The following SCG2 variants were observed in gnomAD, a reference collection of about 807,000 sequenced individuals.
SCG2 encodes secretogranin-2.
SCG2 carries 23 observed loss-of-function variants against 49.5 expected under a neutral mutation model. The observed-to-expected ratio is 0.46, with a 90% CI of 0.33 to 0.66. The LOEUF is 0.66. Ranked by LOEUF, SCG2 falls within the 30% of genes least tolerant of loss-of-function variation. The pLI is 0.01. For synonymous variants in SCG2, 288 were observed against 260.4 expected (o/e 1.11, Z -1.02); for missense variants, 730 against 728.2 (o/e 1.00, Z -0.03).
At chr2:223,599,406 C>T (rs1691355495) in intron 1 of SCG2, 110 bp from the exon 2 acceptor site, 1 of 874,692 alleles carries the variant, frequency 1.1e-6, no homozygotes, top group Non-Finnish European at 1.6e-6. Flanking sequence ...GATATTATTT[C>T]ACATTAAGCT....
At position 223,597,346 on chromosome 2, in the gene SCG2, G is replaced by T; in HGVS notation, c.*83C>A. 6.8e-7 allele frequency: 1 copy of T among 1,479,214 alleles called. No homozygotes were observed. The highest frequency in any genetic ancestry group is 9.1e-7 in the Non-Finnish European group (1 of 1,098,136). 91.6% of individuals were successfully genotyped at this position (1,479,214 alleles called of 1,614,324 possible). On this transcript the variant is annotated 3_prime_UTR_variant, in exon 2 of 2. Transcript: ENST00000305409. ...TTTAAAGATATTACAGTGTTAACAGGATAGAAGTCAACACACTGAAGAGAA... is the reference window on the plus strand; with the variant it reads ...TTTAAAGATATTACAGTGTTAACAGTATAGAAGTCAACACACTGAAGAGAA...
chr2:223,599,985 G>C (rs375540234), intron 1 of SCG2, among the ~76,000 whole-genome samples: 1 of 152,176 alleles, frequency 6.6e-6, no homozygotes, highest in Middle Eastern at 3.4e-3. Flanking sequence ...TCCAGAACAC[G>C]GGTCTTCTCA....
rs1211205875 is a variant in SCG2, at chr2:223,597,878, C to G, written c.1405G>C (p.Gly469Arg). The G allele has an allele frequency of 5.6e-6, 9 of 1,614,028 alleles. No individual in the cohort carries two copies. Among genetic ancestry groups the G allele is most frequent in the Non-Finnish European group, 7.6e-6 (9 of 1,180,042 alleles). ...TGGTTCGATCTAGATCTTCCAGCAC[C>G]ATAAGGGAGCCTTGGCAGAACTTTC... ...QEKVLPRLPY[G>R]AGRSRSNQLP... The change falls in exon 2 of 2, where the codon GGT (glycine) becomes CGT (arginine). Residue 469 changes from glycine to arginine, a missense_variant. Coordinates refer to ENST00000305409, the MANE Select transcript of SCG2 (RefSeq NM_003469.5).
intron 1 of SCG2, among the ~76,000 whole-genome samples, chr2:223,599,802 C>T (rs2106114848): frequency 6.6e-6 from 1 of 152,262 alleles, no homozygotes; most frequent in East Asian, 1.9e-4. Flanking sequence ...CCTGAAATGT[C>T]CATCTAATTT....
In SCG2 at chr2:223,598,167, C is replaced by T; in HGVS notation, c.1116G>A (p.Gly372=). ...GTTCCACTGATCCATTCGGCTTCTC[C>T]CCAGTTTTGAGCATCTCAATTAAGT... ...PEDLIEMLKT[G]EKPNGSVEPE... Residue 372 remains glycine, a synonymous_variant, in exon 2 of 2, where the codon GGG becomes GGA. Coordinates refer to ENST00000305409, the MANE Select transcript of SCG2 (RefSeq NM_003469.5). The T allele has an allele frequency of 6.2e-7, 1 of 1,613,840 alleles. No homozygotes were observed. The highest frequency in any genetic ancestry group is 8.5e-7 in the Non-Finnish European group (1 of 1,179,912).
At position 223,598,519 on chromosome 2, in the gene SCG2, TC is replaced by T. The variant is rs1163717756; in HGVS notation, c.763del (p.Glu255ArgfsTer3). 1.2e-6 allele frequency: 2 copies of T among 1,614,042 alleles called. No homozygotes were observed. Among genetic ancestry groups the T allele is most frequent in the African/African-American group, 1.3e-5 (1 of 75,046 alleles). ...TTCCTGGGTTTGACTCTCTATTTTC[TC>T]CTCTACTGGGTTCCAGTCTTCTCCC... ...VGGEDWNPVEEKIESQTQEEV... is the reference protein window; with the variant it reads ...VGGEDWNPVEXKIESQTQEEV... On this transcript the variant is annotated frameshift_variant, in exon 2 of 2. Coordinates refer to ENST00000305409, the MANE Select transcript of SCG2 (RefSeq NM_003469.5). LOFTEE classifies it high-confidence loss of function.
chr2:223,598,420 A>C lies in SCG2; in HGVS notation c.863T>G (p.Leu288Arg). The C allele has an allele frequency of 6.2e-7, 1 of 1,614,096 alleles. No individual in the cohort carries two copies. Among genetic ancestry groups the C allele is most frequent in the East Asian group, 2.2e-5 (1 of 44,882 alleles). The stretch of plus-strand genomic sequence containing the variant: ...CCGAAGATCTTCTTCCTGGATGCCA[A>C]GCTGCCCTGAGCGTTTCATCTCATC... ...INDEMKRSGQLGIQEEDLRKE... is the reference protein window; with the variant it reads ...INDEMKRSGQRGIQEEDLRKE... Residue 288 changes from leucine to arginine, a missense_variant, in exon 2 of 2, where the codon CTT becomes CGT. Leu to Arg is a moderately radical substitution (Grantham distance 102, BLOSUM62 -2). Transcript: ENST00000305409.
At chr2:223,599,740 G>A (rs978825817) in intron 1 of SCG2, among the ~76,000 whole-genome samples, 3 of 152,132 alleles carry the variant, frequency 2.0e-5, no homozygotes, top group Middle Eastern at 3.4e-3. Context: ...TTACACATAC[G>A]CGCCCACAAA....
At chr2:223,599,350 T>G in intron 1 of SCG2, 54 bp from the exon 2 acceptor site, 1 of 1,409,724 alleles carries the variant, frequency 7.1e-7, no homozygotes, top group East Asian at 2.3e-5. Context: ...GAAGACACTA[T>G]AGCAAAAGAA....
chr2:223,598,971 T>G lies in SCG2; in HGVS notation c.312A>C (p.Ser104=), dbSNP rs777929261. The stretch of plus-strand genomic sequence containing the variant: ...TTCTCATCCAGTCTTCTTCACTCAG[T>G]GAATCCCTCTCGGGCAAGTGGCTTT... ...GDESHLPERD[S]LSEEDWMRII... The change falls in exon 2 of 2, where the codon TCA becomes TCC. Residue 104 remains serine, a synonymous_variant. Coordinates refer to ENST00000305409, the MANE Select transcript of SCG2 (RefSeq NM_003469.5). The G allele has an allele frequency of 6.2e-7, 1 of 1,614,212 alleles. No homozygotes were observed. Among genetic ancestry groups the G allele is most frequent in the Admixed American group, 1.7e-5 (1 of 60,026 alleles).
intron 1 of SCG2, among the ~76,000 whole-genome samples, chr2:223,600,340 A>C (rs1399739181): frequency 6.6e-6 from 1 of 152,164 alleles, no homozygotes; most frequent in East Asian, 1.9e-4. Flanking sequence ...CACTATGTAA[A>C]TCCCAATTCA....
At chr2:223,600,962 T>C (rs16864981) in intron 1 of SCG2, among the ~76,000 whole-genome samples, 2,212 of 152,306 alleles carry the variant, frequency 0.015, 54 homozygotes, top group African/African-American at 0.051. Flanking sequence ...ACTTTCAACA[T>C]TGGCATTTGA....
chr2:223,599,321 A>G, intron 1 of SCG2, 25 bp from the exon 2 acceptor site: 1 of 1,520,366 alleles, frequency 6.6e-7, no homozygotes, highest in African/African-American at 1.4e-5. Context: ...AATATGAGTT[A>G]CACAAATGAA....
intron 1 of SCG2, among the ~76,000 whole-genome samples, chr2:223,600,118 C>A (rs1264560596): frequency 6.6e-6 from 1 of 152,142 alleles, no homozygotes; most frequent in Non-Finnish European, 1.5e-5. Flanking sequence ...GACTGTCTTG[C>A]AAAATGCAAT....
At position 223,599,196 on chromosome 2, in the gene SCG2, T is replaced by C. The variant is rs756673036; in HGVS notation, c.87A>G (p.Ser29=). The C allele has an allele frequency of 1.2e-6, 2 of 1,613,724 alleles. No individual in the cohort carries two copies. The highest frequency in any genetic ancestry group is 1.7e-6 in the Non-Finnish European group (2 of 1,179,616). Residue 29 remains serine, a synonymous_variant, in exon 2 of 2, where the codon TCA becomes TCG. Transcript: ENST00000305409. ...IFLISGAEAA[S]FQRNQLLQKE... ...TCTGAAGCAGCTGGTTTCTCTGAAATGAAGCTGCTTCAGCCCCAGAGATGA... is the reference window on the plus strand; with the variant it reads ...TCTGAAGCAGCTGGTTTCTCTGAAACGAAGCTGCTTCAGCCCCAGAGATGA...
intron 1 of SCG2, among the ~76,000 whole-genome samples, chr2:223,601,468 A>C (rs986252248): frequency 2.6e-5 from 4 of 152,240 alleles, no homozygotes; most frequent in African/African-American, 4.8e-5. Context: ...TACAGAAAAA[A>C]TGAAATACTT....
rs759040148 is a variant in SCG2, at chr2:223,598,801, A to G, written c.482T>C (p.Leu161Pro). Residue 161 changes from leucine to proline, a missense_variant, in exon 2 of 2, where the codon CTT (leucine) becomes CCT (proline). By Grantham distance (98) the Leu-to-Pro change is moderately conservative. Transcript: ENST00000305409. Reference sequence around the variant, plus strand: ...CATAGGAGGGAATTGCATGTGCTTAAGCTTTCTTTCTGGCCACTGCTGTGT... The same window carrying G: ...CATAGGAGGGAATTGCATGTGCTTAGGCTTTCTTTCTGGCCACTGCTGTGT... ...YETQQWPERK[L>P]KHMQFPPMYE... is the part of the protein sequence containing the mutation. The G allele has an allele frequency of 2.5e-5, 41 of 1,613,970 alleles. No homozygotes were observed. Among genetic ancestry groups the G allele is most frequent in the Non-Finnish European group, 3.5e-5 (41 of 1,180,026 alleles).
At position 223,597,648 on chromosome 2, in the gene SCG2, C is replaced by T; in HGVS notation, c.1635G>A (p.Gln545=). The part of the protein sequence containing the change: ...DDLQEEEQIE[Q]AIKEHLNQGS... The stretch of plus-strand genomic sequence containing the variant: ...CTTGATTCAAATGCTCTTTGATGGC[C>T]TGCTCAATTTGTTCCTCTTCCTGCA... The change falls in exon 2 of 2, where the codon CAG becomes CAA. Residue 545 remains glutamine (Q), a synonymous_variant. Transcript: ENST00000305409. 1 of 1,614,060 alleles carries T rather than the reference C, an allele frequency of 6.2e-7. No homozygotes were observed. The highest frequency in any genetic ancestry group is 8.5e-7 in the Non-Finnish European group (1 of 1,179,998).
rs772530146 is a variant in SCG2, at chr2:223,598,879, T to G, written c.404A>C (p.Tyr135Ser). ...PQSAPKENKP[Y>S]ALNSEKNFPM... is the part of the protein sequence containing the mutation. Reference sequence around the variant, plus strand: ...AAAGTTCTTTTCTGAATTCAAGGCATAGGGCTTATTTTCTTTTGGTGCAGA... The same window carrying G: ...AAAGTTCTTTTCTGAATTCAAGGCAGAGGGCTTATTTTCTTTTGGTGCAGA... Residue 135 changes from tyrosine (Y) to serine (S), a missense_variant, in exon 2 of 2, where the codon TAT becomes TCT. Transcript: ENST00000305409. The G allele has an allele frequency of 6.2e-7, 1 of 1,614,234 alleles. No individual in the cohort carries two copies. Among genetic ancestry groups the G allele is most frequent in the Non-Finnish European group, 8.5e-7 (1 of 1,180,036 alleles).
Sources: allele counts gnomAD v4.1 joint callset (sites outside exome capture counted in the v4.1 genomes callset), GRCh38; gene constraint gnomAD v4.1.1; transcripts MANE v1.5; gene names NCBI Gene and HGNC (gene_info 2026-07-23, HGNC 2026-07-21).